Variants in UBE2B observed in about 807,000 individuals in gnomAD.
UBE2B encodes the protein ubiquitin-conjugating enzyme E2 B.
In UBE2B, 11 loss-of-function variants were observed where a neutral mutation model predicts 24.6. That is an observed-to-expected ratio of 0.45 (90% CI 0.28 to 0.74). UBE2B has a LOEUF of 0.74. UBE2B is among the 30% of genes least tolerant of loss of function. The pLI, the probability that UBE2B is intolerant of heterozygous loss-of-function variation, is 0.13. For synonymous variants in UBE2B, 68 were observed against 62.4 expected (o/e 1.09, Z -0.42); for missense variants, 78 against 185.6 (o/e 0.42, Z 3.37).
intron 4 of UBE2B, among the ~76,000 whole-genome samples, chr5:134,387,376 TA>T (rs1276778337): frequency 1.3e-5 from 2 of 152,224 alleles, no homozygotes; most frequent in Non-Finnish European, 2.9e-5. Flanking sequence ...AGCAGTTTTT[TA>T]AAAGCTTTAA....
intron 4 of UBE2B, 48 bp downstream of exon 4, chr5:134,380,856 T>C: frequency 1.5e-6 from 2 of 1,295,278 alleles, no homozygotes; most frequent in Non-Finnish European, 2.2e-6. Flanking sequence ...GGAAAAGAGT[T>C]GTTTCCCTCC....
At chr5:134,374,672 A>G in intron 2 of UBE2B, 1 of 548,834 alleles carries the variant, frequency 1.8e-6, no homozygotes, top group Non-Finnish European at 3.2e-6. Context: ...GCTGGAGCCC[A>G]GGAGTTCACC....
intron 5 of UBE2B, 46 bp downstream of exon 5, chr5:134,388,459 G>A (rs1204939661): frequency 2.6e-6 from 4 of 1,552,898 alleles, no homozygotes; most frequent in Non-Finnish European, 3.6e-6. Context: ...TATTCTGTAG[G>A]ATATAGTCAG....
chr5:134,371,759 C>A, intron 1 of UBE2B, 120 bp downstream of exon 1: 1 of 1,458,098 alleles, frequency 6.9e-7, no homozygotes, highest in Non-Finnish European at 9.4e-7. Context: ...CCCAGCGGGA[C>A]TGGCGGAAGC....
chr5:134,374,401 T>G lies in UBE2B; in HGVS notation c.63T>G (p.Pro21=). ...RDFKRLQEDP[P]VGVSGAPSEN... ...TTTCCAGGTTACAAGAGGACCCACC[T>G]GTGGGTGTCAGTGGCGCACCATCTG... The change falls in exon 2 of 6, where the codon CCT becomes CCG. Residue 21 remains proline, a synonymous_variant. Transcript: ENST00000265339. 1 of 1,555,920 alleles carries G rather than the reference T, an allele frequency of 6.4e-7. No individual in the cohort carries two copies.
chr5:134,390,053 T>A lies in UBE2B; in HGVS notation c.331-172T>A. On this transcript the variant is annotated intron_variant, in intron 5 of 5. Transcript: ENST00000265339. This position sits in a 1 kb window ranked among gnomAD's most constrained non-coding sequence, Gnocchi z 4.6. ...AGTTCCTTAGCAGCAGGAAACCCCA[T>A]AGTATTTATCAAATCATTTCTAAAA... The A allele has an allele frequency of 1.4e-6, 1 of 722,638 alleles. No homozygotes were observed. The highest frequency in any genetic ancestry group is 2.3e-6 in the Non-Finnish European group (1 of 436,150). 44.8% of individuals were successfully genotyped at this position (722,638 alleles called of 1,614,324 possible). A position where few individuals can be genotyped will look rare whatever the true frequency, so the allele number is the denominator to read the frequency against.
chr5:134,373,754 G>A (rs556358699), intron 1 of UBE2B, among the ~76,000 whole-genome samples: 2 of 152,200 alleles, frequency 1.3e-5, no homozygotes, highest in African/African-American at 2.4e-5. Flanking sequence ...TTGTCCTTGC[G>A]GTAGTTTGCT....
At chr5:134,389,221 T>G (rs1758860048) in intron 5 of UBE2B, among the ~76,000 whole-genome samples, 1 of 152,198 alleles carries the variant, frequency 6.6e-6, no homozygotes, top group Non-Finnish European at 1.5e-5. Flanking sequence ...GTGTTGGGAT[T>G]ACAGGCGTGA....
chr5:134,376,658 C>G lies in UBE2B; in HGVS notation c.126-11C>G. 3 of 1,611,380 alleles carry G rather than the reference C, an allele frequency of 1.9e-6. No homozygotes were observed. In the East Asian group the frequency reaches 6.7e-5, roughly 36 times the overall value. ...GAAACTTCTTTTAATCAGAAATCTT[C>G]TTGTTTTCAGACCAGAAGGGACACC... On this transcript the variant is annotated splice_polypyrimidine_tract_variant and intron_variant, in intron 2 of 5. Coordinates refer to ENST00000265339, the MANE Select transcript of UBE2B (RefSeq NM_003337.4).
intron 2 of UBE2B, among the ~76,000 whole-genome samples, chr5:134,376,348 A>AAAAAAAATATATATATATATAT (rs1554114145): frequency 2.1e-4 from 1 of 4,776 alleles, no homozygotes; most frequent in Non-Finnish European, 5.5e-4. Flanking sequence ...AAAAAAAAAA[A>AAAAAAAATATATATATATATAT]ATATATATAT....
chr5:134,376,338 A>AT lies in UBE2B; in HGVS notation c.126-331_126-330insT, dbSNP rs1276778610. ...ACTCCGTCTCAAAAAAAAAAAAAAA[A>AT]AAAAAAAAAAATATATATATATATA... is the stretch of plus-strand genomic sequence containing the variant. On this transcript the variant is annotated intron_variant, in intron 2 of 5. Transcript: ENST00000265339. 3.4e-3 allele frequency among the ~76,000 whole-genome samples: 15 copies of AT among 4,366 alleles called. 1 individual carries two copies. The highest frequency in any genetic ancestry group is 5.1e-3 in the South Asian group (1 of 196). The allele number at this position is 4,366 out of a possible 152,430, so 2.9% of individuals were successfully genotyped here.
rs1275766581 is a variant in UBE2B, at chr5:134,390,717, C to T, written c.*364C>T. On this transcript the variant is annotated 3_prime_UTR_variant, in exon 6 of 6. Transcript: ENST00000265339. This position sits in a 1 kb window ranked among gnomAD's most constrained non-coding sequence, Gnocchi z 4.6. The stretch of plus-strand genomic sequence containing the variant: ...TAGATTTTTAAATTGGAGAAAAGCA[C>T]TTAAAGTTTTTTATATATGAATATT... 1.9e-5 allele frequency: 5 copies of T among 258,132 alleles called. No individual in the cohort carries two copies. The East Asian group carries it at 5.4e-4, about 28-fold the overall frequency. The allele number at this position is 258,132 out of a possible 1,614,324, so 16.0% of individuals were successfully genotyped here.
intron 2 of UBE2B, 198 bp downstream of exon 2, chr5:134,374,661 C>T (rs1252799183): frequency 3.5e-6 from 2 of 572,532 alleles, no homozygotes; most frequent in Non-Finnish European, 6.1e-6. Context: ...CTGGGAGGAT[C>T]GCTGGAGCCC....
intron 2 of UBE2B, among the ~76,000 whole-genome samples, chr5:134,376,362 T>TATATATAC (rs1183340869): frequency 1.1e-5 from 1 of 89,466 alleles, no homozygotes; most frequent in African/African-American, 4.1e-5. Context: ...TATATATATA[T>TATATATAC]ATACACATAT....
chr5:134,382,069 T>C (rs1382970623), intron 4 of UBE2B, among the ~76,000 whole-genome samples: 3 of 152,188 alleles, frequency 2.0e-5, no homozygotes, highest in African/African-American at 7.2e-5. Flanking sequence ...ATCCTGTCTC[T>C]ACTAAAAGAA....
At chr5:134,379,435 C>T (rs1264114195) in intron 3 of UBE2B, among the ~76,000 whole-genome samples, 1 of 152,032 alleles carries the variant, frequency 6.6e-6, no homozygotes, top group Non-Finnish European at 1.5e-5. Context: ...CACCTGAGGT[C>T]AGGAGTTCAA....
At chr5:134,380,955 ATTTTTT>A (rs1186834088) in intron 4 of UBE2B, 147 bp downstream of exon 4, 387 of 153,640 alleles carry the variant, frequency 2.5e-3, no homozygotes, top group Middle Eastern at 7.4e-3. Context: ...TTTGTTGTGG[ATTTTTT>A]TTTTTTTTTT....
chr5:134,388,239 T>C, intron 4 of UBE2B, 86 bp from the exon 5 acceptor site: 2 of 1,172,536 alleles, frequency 1.7e-6, no homozygotes, highest in South Asian at 2.5e-5. Context: ...TTAAAACTTC[T>C]AAGCCAAGCA....
At chr5:134,376,339 AAAAAAAAAAATATATATAT>A (rs1758604610) in intron 2 of UBE2B, among the ~76,000 whole-genome samples, 1 of 76,156 alleles carries the variant, frequency 1.3e-5, no homozygotes, top group Admixed American at 1.8e-4. Flanking sequence ...AAAAAAAAAA[AAAAAAAAAAATATATATAT>A]ATATATACAC....
Sources: gnomAD v4.1 joint callset for allele counts (sites outside exome capture counted in the v4.1 genomes callset) on GRCh38, gnomAD v4.1.1 for gene constraint, Gnocchi (gnomAD v3.1) non-coding constraint, MANE v1.5 for transcripts, NCBI Gene and HGNC (gene_info 2026-07-23, HGNC 2026-07-21) for gene names.